Variants in SH3GL2 observed in about 807,000 individuals in gnomAD.
SH3GL2 encodes endophilin-A1.
A neutral mutation model predicts 46.0 loss-of-function variants in SH3GL2; 24 were observed. The ratio of observed to expected loss-of-function variants is 0.52; its 90% CI spans 0.38 to 0.73. The LOEUF (loss-of-function observed/expected upper bound fraction) is 0.73. Ranked by LOEUF, SH3GL2 falls within the 30% of genes least tolerant of loss-of-function variation. The pLI is 0.00. For synonymous variants in SH3GL2, 196 were observed against 147.1 expected, an observed-to-expected ratio of 1.33 and a Z score of -2.40; for missense variants, 413 against 424.2, an observed-to-expected ratio of 0.97 and a Z score of 0.23.
chr9:17,693,569 C>T (rs1821132742), intron 1 of SH3GL2, among the ~76,000 whole-genome samples: 1 of 148,930 alleles, frequency 6.7e-6, no homozygotes, highest in Admixed American at 6.9e-5. Flanking sequence ...TGGACACACA[C>T]ATACACACAC....
intron 1 of SH3GL2, among the ~76,000 whole-genome samples, chr9:17,626,946 T>C (rs1036154708): frequency 2.0e-5 from 3 of 152,138 alleles, no homozygotes; most frequent in African/African-American, 7.2e-5. Flanking sequence ...CCATTACTGG[T>C]TCCCTGAGCA....
At chr9:17,666,326 A>G (rs940288515) in intron 1 of SH3GL2, among the ~76,000 whole-genome samples, 8 of 152,048 alleles carry the variant, frequency 5.3e-5, no homozygotes, top group African/African-American at 1.9e-4. Context: ...ATTTGGATAT[A>G]TGAAACAGTA....
At chr9:17,725,649 G>A (rs1382965873) in intron 1 of SH3GL2, among the ~76,000 whole-genome samples, 1 of 152,128 alleles carries the variant, frequency 6.6e-6, no homozygotes, top group East Asian at 1.9e-4. Context: ...CTCTCTTCGT[G>A]TGGAATGTCT....
intron 1 of SH3GL2, among the ~76,000 whole-genome samples, chr9:17,673,158 T>A (rs1413921008): frequency 6.6e-6 from 1 of 152,034 alleles, no homozygotes; most frequent in Non-Finnish European, 1.5e-5. Context: ...TTTGTTTGTT[T>A]GTTTGTTTTT....
chr9:17,726,669 C>A (rs925098533), intron 1 of SH3GL2, among the ~76,000 whole-genome samples: 2 of 152,078 alleles, frequency 1.3e-5, no homozygotes, highest in Non-Finnish European at 2.9e-5. Flanking sequence ...TATGCCTAGG[C>A]AGGCTATAAA....
At chr9:17,612,686 A>G (rs536278556) in intron 1 of SH3GL2, among the ~76,000 whole-genome samples, 17 of 152,330 alleles carry the variant, frequency 1.1e-4, no homozygotes, top group South Asian at 2.1e-4. Context: ...CATACCATGC[A>G]GTTCACCTAT....
chr9:17,670,676 G>A (rs1395400373), intron 1 of SH3GL2, among the ~76,000 whole-genome samples: 5 of 152,090 alleles, frequency 3.3e-5, no homozygotes, highest in Admixed American at 2.6e-4. Context: ...AACTTGGCTG[G>A]CAAATTGTCA....
At chr9:17,777,024 G>A (rs1823659661) in intron 3 of SH3GL2, among the ~76,000 whole-genome samples, 1 of 152,172 alleles carries the variant, frequency 6.6e-6, no homozygotes, top group Admixed American at 6.5e-5. Flanking sequence ...GTAAATACCT[G>A]TAGACAGAGG....
At chr9:17,772,636 T>G (rs1823520233) in intron 3 of SH3GL2, among the ~76,000 whole-genome samples, 1 of 152,214 alleles carries the variant, frequency 6.6e-6, no homozygotes, top group South Asian at 2.1e-4. Context: ...TGGCATAATG[T>G]CCCAAGGTTT....
At position 17,755,706 on chromosome 9, in the gene SH3GL2, T is replaced by C. The variant is rs981547336; in HGVS notation, c.115-5731T>C. 5 of 810,894 alleles carry C rather than the reference T, an allele frequency of 6.2e-6. No individual in the cohort carries two copies. In the African/African-American group the frequency reaches 9.3e-5, roughly 15 times the overall value. The allele number at this position is 810,894 out of a possible 1,614,324, so 50.2% of individuals were successfully genotyped here. On this transcript the variant is annotated intron_variant, in intron 2 of 8. Transcript: ENST00000380607. ...TTTTGCTCTGCTACAGCATCTGGTA[T>C]AATGTGGTATCTAATAGTATGAAAT...
At chr9:17,664,491 T>C (rs1054426124) in intron 1 of SH3GL2, among the ~76,000 whole-genome samples, 1 of 152,140 alleles carries the variant, frequency 6.6e-6, no homozygotes, top group African/African-American at 2.4e-5. Context: ...TATAATGATC[T>C]TGAGCTCACA....
chr9:17,666,545 CGTGTGT>C (rs71331502), intron 1 of SH3GL2, among the ~76,000 whole-genome samples: 98 of 142,132 alleles, frequency 6.9e-4, no homozygotes, highest in South Asian at 3.3e-3. Context: ...ACAAAGGTAA[CGTGTGT>C]GTGTGTGTGT....
chr9:17,671,302 A>T (rs904196440), intron 1 of SH3GL2, among the ~76,000 whole-genome samples: 3 of 150,992 alleles, frequency 2.0e-5, no homozygotes, highest in East Asian at 3.9e-4. Context: ...ACAATGAGGA[A>T]TTTTTTTTTT....
At chr9:17,682,313 T>C (rs925704682) in intron 1 of SH3GL2, among the ~76,000 whole-genome samples, 1 of 152,176 alleles carries the variant, frequency 6.6e-6, no homozygotes, top group Non-Finnish European at 1.5e-5. Flanking sequence ...CCAACCCAAA[T>C]GCCCATCAGT....
chr9:17,694,381 C>G (rs542624810), intron 1 of SH3GL2, among the ~76,000 whole-genome samples: 1 of 152,160 alleles, frequency 6.6e-6, no homozygotes, highest in Admixed American at 6.5e-5. Context: ...TTTTTTAATG[C>G]TAATAAGTAA....
chr9:17,795,441 C>T lies in SH3GL2; in HGVS notation c.860-103C>T, dbSNP rs558811025. The T allele has an allele frequency of 1.7e-4, 141 of 814,280 alleles. 2 individuals carry two copies. The African/African-American group carries it at 1.9e-3, about 11-fold the overall frequency. The allele number at this position is 814,280 out of a possible 1,614,324, so 50.4% of individuals were successfully genotyped here. Reference sequence around the variant, plus strand: ...AGGAAGAGGAATGAGGGAGGAAAGACGGGGAGCAGCAAGCCAGGTGGGTAC... The same window carrying T: ...AGGAAGAGGAATGAGGGAGGAAAGATGGGGAGCAGCAAGCCAGGTGGGTAC... On this transcript the variant is annotated intron_variant, in intron 8 of 8. Transcript: ENST00000380607.
At chr9:17,750,761 G>T (rs1051617217) in intron 2 of SH3GL2, among the ~76,000 whole-genome samples, 4 of 152,202 alleles carry the variant, frequency 2.6e-5, no homozygotes, top group Non-Finnish European at 5.9e-5. Context: ...CTCAGTTGCT[G>T]CAATGATTGT....
At chr9:17,742,372 C>T (rs528275676) in intron 1 of SH3GL2, among the ~76,000 whole-genome samples, 1 of 152,212 alleles carries the variant, frequency 6.6e-6, no homozygotes, top group African/African-American at 2.4e-5. Context: ...TTTAAGCTGT[C>T]GCTGGCTGGT....
At chr9:17,721,068 C>G (rs78459270) in intron 1 of SH3GL2, among the ~76,000 whole-genome samples, 1 of 152,010 alleles carries the variant, frequency 6.6e-6, no homozygotes, top group Non-Finnish European at 1.5e-5. Flanking sequence ...TGAACTCTCG[C>G]ACTCTCCTCT....
Sources: allele counts gnomAD v4.1 joint callset (sites outside exome capture counted in the v4.1 genomes callset), GRCh38; gene constraint gnomAD v4.1.1; transcripts MANE v1.5; gene names NCBI Gene and HGNC (gene_info 2026-07-23, HGNC 2026-07-21).